Variants in NAA15 observed in about 807,000 individuals in gnomAD.
NAA15 encodes N-alpha-acetyltransferase 15, NatA auxiliary subunit, also known as N-terminal acetyltransferase.
A neutral mutation model predicts 114.0 loss-of-function variants in NAA15; 34 were observed. That is an observed-to-expected ratio of 0.30 (90% confidence interval 0.23 to 0.40). The LOEUF (loss-of-function observed/expected upper bound fraction) is 0.40, where lower values mean the gene tolerates loss of function less well. Ranked by LOEUF, NAA15 falls within the 10% of genes least tolerant of loss-of-function variation. NAA15 has a pLI of 1.00. For synonymous variants in NAA15, 340 were observed against 338.0 expected (o/e 1.01, Z -0.06); for missense variants, 658 against 1,004.5 (o/e 0.66, Z 4.66).
intron 1 of NAA15, among the ~76,000 whole-genome samples, chr4:139,311,170 A>T (rs1207786369): frequency 6.7e-6 from 1 of 149,140 alleles, no homozygotes; most frequent in Non-Finnish European, 1.5e-5. Flanking sequence ...CTTATTTCTT[A>T]CTTTATTCTC....
chr4:139,357,339 A>G (rs1747989684), intron 10 of NAA15, 47 bp from the exon 11 acceptor site: 1 of 1,569,892 alleles, frequency 6.4e-7, no homozygotes, highest in Admixed American at 1.7e-5. Context: ...GGGTGCTCTT[A>G]ATATATGTAA....
chr4:139,320,977 A>G (rs1298924442), intron 1 of NAA15, among the ~76,000 whole-genome samples: 1 of 152,148 alleles, frequency 6.6e-6, no homozygotes, highest in African/African-American at 2.4e-5. Context: ...CTGGCTAGAA[A>G]GCTGGGCCTT....
Position 139,301,621 on chromosome 4 carries a change from T to G in NAA15, c.-157T>G. The G allele has an allele frequency of 1.1e-5, 8 of 710,848 alleles. No homozygotes were observed. Among genetic ancestry groups the G allele is most frequent in the South Asian group, 3.8e-5 (2 of 52,170 alleles). 44.0% of individuals were successfully genotyped at this position (710,848 alleles called of 1,614,324 possible). On this transcript the variant is annotated 5_prime_UTR_variant, in exon 1 of 20. Transcript: ENST00000296543. ...AAAAAGACAACGAGGAAAAAGGAGG[T>G]GTCCGGGTAGGGCAACGCGGCGACA...
chr4:139,360,693 A>T, intron 13 of NAA15, 65 bp downstream of exon 13: 1 of 1,381,834 alleles, frequency 7.2e-7, no homozygotes, highest in African/African-American at 1.5e-5. Flanking sequence ...CAAATTTCAT[A>T]GTTTTTTTCT....
intron 6 of NAA15, among the ~76,000 whole-genome samples, chr4:139,346,892 G>A (rs904948408): frequency 1.3e-5 from 2 of 152,154 alleles, no homozygotes; most frequent in Non-Finnish European, 2.9e-5. Flanking sequence ...AAGATAGAGG[G>A]AAGGAAACGA....
chr4:139,330,480 A>G (rs1032964786), intron 1 of NAA15, among the ~76,000 whole-genome samples: 2 of 152,188 alleles, frequency 1.3e-5, no homozygotes, highest in Non-Finnish European at 2.9e-5. Context: ...GACAAAGAAA[A>G]TATTCAACCA....
chr4:139,385,737 C>A (rs1748894145), intron 18 of NAA15, among the ~76,000 whole-genome samples: 3 of 152,168 alleles, frequency 2.0e-5, no homozygotes, highest in Non-Finnish European at 4.4e-5. Flanking sequence ...CATTTTGGCT[C>A]ACACTGTTGA....
intron 11 of NAA15, among the ~76,000 whole-genome samples, chr4:139,357,968 G>C (rs1748012945): frequency 6.6e-6 from 1 of 152,036 alleles, no homozygotes; most frequent in Non-Finnish European, 1.5e-5. Context: ...GAATTCTACA[G>C]GTTATCTCTT....
chr4:139,311,991 T>A (rs2110837773), intron 1 of NAA15, among the ~76,000 whole-genome samples: 1 of 151,730 alleles, frequency 6.6e-6, no homozygotes, highest in African/African-American at 2.4e-5. Flanking sequence ...TGAGGGAAAG[T>A]AATCGTAGTG....
intron 19 of NAA15, among the ~76,000 whole-genome samples, chr4:139,387,249 T>C (rs556754530): frequency 6.6e-6 from 1 of 152,284 alleles, no homozygotes; most frequent in African/African-American, 2.4e-5. Context: ...ACATGAGAAA[T>C]GCAAATCAAC....
At chr4:139,313,343 A>C (rs1045112217) in intron 1 of NAA15, among the ~76,000 whole-genome samples, 1 of 151,952 alleles carries the variant, frequency 6.6e-6, no homozygotes, top group Non-Finnish European at 1.5e-5. Context: ...ATTACCTTTA[A>C]TTATCAATGT....
At chr4:139,380,372 A>C (rs554341155) in intron 17 of NAA15, among the ~76,000 whole-genome samples, 1 of 152,170 alleles carries the variant, frequency 6.6e-6, no homozygotes, top group Non-Finnish European at 1.5e-5. Flanking sequence ...TTTCAAAATG[A>C]AGTATTTTCA....
intron 17 of NAA15, among the ~76,000 whole-genome samples, chr4:139,383,696 C>T (rs1339835362): frequency 3.3e-5 from 5 of 152,204 alleles, no homozygotes; most frequent in African/African-American, 4.8e-5. Context: ...GTCTCGAACT[C>T]CTGACCTCAA....
intron 1 of NAA15, among the ~76,000 whole-genome samples, chr4:139,313,091 A>T (rs1417081353): frequency 6.6e-6 from 1 of 151,980 alleles, no homozygotes; most frequent in Non-Finnish European, 1.5e-5. Flanking sequence ...TTATGTAAAC[A>T]TTCCTGAGTG....
intron 1 of NAA15, among the ~76,000 whole-genome samples, chr4:139,331,305 C>G (rs796217402): frequency 3.3e-5 from 5 of 152,226 alleles, no homozygotes; most frequent in African/African-American, 9.6e-5. Flanking sequence ...ATCACTATTT[C>G]TTCTTGATAC....
intron 1 of NAA15, 164 bp downstream of exon 1, chr4:139,301,995 C>T (rs1745783415): frequency 3.0e-6 from 2 of 668,996 alleles, no homozygotes; most frequent in South Asian, 5.1e-5. Flanking sequence ...TCTGTGGTTC[C>T]TACTATGGCC....
chr4:139,305,748 C>T (rs762287977), intron 1 of NAA15, among the ~76,000 whole-genome samples: 14 of 152,030 alleles, frequency 9.2e-5, no homozygotes, highest in South Asian at 2.1e-4. Flanking sequence ...TGTTCAGGCT[C>T]GTCTCAAACT....
At chr4:139,354,199 C>T in intron 10 of NAA15, 101 bp downstream of exon 10, 1 of 870,658 alleles carries the variant, frequency 1.1e-6, no homozygotes, top group Non-Finnish European at 1.8e-6. Context: ...GCAGTAAGCA[C>T]AGTGCATTAA....
chr4:139,346,699 A>G (rs1747594962), intron 6 of NAA15, among the ~76,000 whole-genome samples: 1 of 152,044 alleles, frequency 6.6e-6, no homozygotes, highest in Non-Finnish European at 1.5e-5. Flanking sequence ...GGCATGTGCC[A>G]CCATGCCTGG....
Sources: gnomAD v4.1 joint callset for allele counts (sites outside exome capture counted in the v4.1 genomes callset) on GRCh38, gnomAD v4.1.1 for gene constraint, MANE v1.5 for transcripts, NCBI Gene and HGNC (gene_info 2026-07-23, HGNC 2026-07-21) for gene names.